Variants in COX7B2 observed in about 807,000 individuals in gnomAD.
COX7B2 encodes cytochrome c oxidase subunit 7B2, mitochondrial.
For missense variants in COX7B2, 109 were observed against 95.9 expected (o/e 1.14, Z -0.57); for synonymous variants, 37 against 32.1 (o/e 1.15, Z -0.51).
At chr4:46,832,700 TGAG>T (rs1220979625) in intron 2 of COX7B2, among the ~76,000 whole-genome samples, 2 of 152,100 alleles carry the variant, frequency 1.3e-5, no homozygotes, top group African/African-American at 2.4e-5. Flanking sequence ...CTCTTGATGA[TGAG>T]AGGATTCTTG....
At chr4:46,837,051 G>A (rs570830888) in intron 2 of COX7B2, among the ~76,000 whole-genome samples, 2 of 152,052 alleles carry the variant, frequency 1.3e-5, no homozygotes, top group Non-Finnish European at 2.9e-5. Context: ...AAATACAGCA[G>A]CATTTAATTG....
intron 1 of COX7B2, among the ~76,000 whole-genome samples, chr4:46,887,508 G>C (rs867501972): frequency 1.3e-5 from 2 of 151,908 alleles, no homozygotes; most frequent in Non-Finnish European, 2.9e-5. Flanking sequence ...TCAGGAGATC[G>C]AGACCATCCT....
In COX7B2 at chr4:46,784,582, A is replaced by G. The variant is rs13105834; in HGVS notation, c.-49-49341T>C. Among the ~76,000 whole-genome samples the G allele has an allele frequency of 1.2e-3, 186 of 152,272 alleles. 1 individual carries two copies. Among genetic ancestry groups the G allele is most frequent in the African/African-American group, 4.2e-3 (176 of 41,554 alleles). ...GGAGGTTGCAGTGAGCCAAGATAGCACCATTGCACTCTAGTCTGGGCGACA... is the reference window on the plus strand; with the variant it reads ...GGAGGTTGCAGTGAGCCAAGATAGCGCCATTGCACTCTAGTCTGGGCGACA... On this transcript the variant is annotated intron_variant, in intron 2 of 2. Transcript: ENST00000355591.
chr4:46,885,677 AACTGCGC>A (rs765978055), intron 1 of COX7B2, among the ~76,000 whole-genome samples: 7 of 152,144 alleles, frequency 4.6e-5, no homozygotes, highest in Non-Finnish European at 8.8e-5. Context: ...AAAGCATCAA[AACTGCGC>A]TTGATTATTC....
intron 2 of COX7B2, among the ~76,000 whole-genome samples, chr4:46,759,790 G>A (rs1716022607): frequency 7.4e-6 from 1 of 134,526 alleles, no homozygotes; most frequent in Admixed American, 8.1e-5. Flanking sequence ...TCTTATATAA[G>A]TTATATAAGT....
rs957410634 is a variant in COX7B2, at chr4:46,797,676, C to T, written c.-50+47284G>A. Among the ~76,000 whole-genome samples, 4 of 152,114 alleles carry T rather than the reference C, an allele frequency of 2.6e-5. 1 individual carries two copies. In the South Asian group the frequency reaches 8.3e-4, roughly 31 times the overall value. On this transcript the variant is annotated intron_variant, in intron 2 of 2. Coordinates refer to ENST00000355591, the MANE Select transcript of COX7B2 (RefSeq NM_130902.3). ...CTTGAAGGATACAGGGGCAATGATT[C>T]CCACCACATCTCCATTCAACTTGGC...
At chr4:46,834,092 G>A (rs1715348757) in intron 2 of COX7B2, among the ~76,000 whole-genome samples, 1 of 152,082 alleles carries the variant, frequency 6.6e-6, no homozygotes, top group African/African-American at 2.4e-5. Context: ...TATTTATGAA[G>A]AAACATCACA....
rs75822908 is a variant in COX7B2, at chr4:46,850,675, G to A, written c.-104-5661C>T. Among the ~76,000 whole-genome samples the A allele has an allele frequency of 5.7e-3, 868 of 152,116 alleles. 4 individuals carry two copies. Among genetic ancestry groups the A allele is most frequent in the African/African-American group, 0.02 (814 of 41,518 alleles). On this transcript the variant is annotated intron_variant, in intron 1 of 2. Transcript: ENST00000355591. ...TATAAATTACTAACACTGTAAAGAA[G>A]TAAAATTATTTACCACAGTATTATA... is the stretch of plus-strand genomic sequence containing the variant.
At chr4:46,744,437 C>T (rs981006735) in intron 2 of COX7B2, among the ~76,000 whole-genome samples, 4 of 152,084 alleles carry the variant, frequency 2.6e-5, no homozygotes, top group African/African-American at 7.2e-5. Context: ...CTGCTATAAT[C>T]GTTGTCTCAG....
intron 1 of COX7B2, among the ~76,000 whole-genome samples, chr4:46,857,584 T>G (rs780328515): frequency 6.6e-6 from 1 of 152,142 alleles, no homozygotes; most frequent in Non-Finnish European, 1.5e-5. Context: ...TCTATAGAGC[T>G]GGGAGAAAAA....
chr4:46,862,282 A>G (rs988544598), intron 1 of COX7B2, among the ~76,000 whole-genome samples: 2 of 152,258 alleles, frequency 1.3e-5, no homozygotes, highest in Non-Finnish European at 2.9e-5. Context: ...AACGAAGTTT[A>G]GCCACATGGA....
intron 2 of COX7B2, among the ~76,000 whole-genome samples, chr4:46,754,450 A>G (rs539768032): frequency 6.8e-6 from 1 of 146,614 alleles, no homozygotes; most frequent in South Asian, 2.2e-4. Flanking sequence ...ATTGTCAGCA[A>G]ACTATCGCAA....
intron 2 of COX7B2, among the ~76,000 whole-genome samples, chr4:46,748,566 T>C (rs1715162666): frequency 6.6e-6 from 1 of 152,090 alleles, no homozygotes; most frequent in African/African-American, 2.4e-5. Flanking sequence ...CTCCATGCAG[T>C]TTTCATTCCC....
chr4:46,741,928 T>C (rs1003771741), intron 2 of COX7B2, among the ~76,000 whole-genome samples: 3 of 152,074 alleles, frequency 2.0e-5, no homozygotes, highest in Non-Finnish European at 4.4e-5. Flanking sequence ...GAACATTGAG[T>C]CAGATAATCT....
intron 2 of COX7B2, among the ~76,000 whole-genome samples, chr4:46,756,559 G>A (rs550189434): frequency 2.7e-4 from 41 of 151,906 alleles, no homozygotes; most frequent in Non-Finnish European, 1.8e-4. Context: ...CCTGACAAAC[G>A]ACTAATATCT....
intron 2 of COX7B2, among the ~76,000 whole-genome samples, chr4:46,795,615 G>A (rs1560385796): frequency 1.8e-5 from 2 of 110,980 alleles, no homozygotes; most frequent in African/African-American, 4.0e-5. Flanking sequence ...TTGTAGTATA[G>A]TTTGAAGTCA....
intron 2 of COX7B2, among the ~76,000 whole-genome samples, chr4:46,763,355 T>C (rs927265073): frequency 1.3e-5 from 2 of 150,746 alleles, no homozygotes; most frequent in African/African-American, 4.9e-5. Context: ...TTTGTGTATG[T>C]GTGTTCTTTA....
intron 2 of COX7B2, among the ~76,000 whole-genome samples, chr4:46,752,861 G>A (rs528443506): frequency 8.5e-5 from 13 of 152,236 alleles, no homozygotes; most frequent in African/African-American, 2.4e-4. Context: ...GTTCATCAGC[G>A]ATATTGGTCT....
intron 2 of COX7B2, among the ~76,000 whole-genome samples, chr4:46,826,181 A>C (rs1006469543): frequency 5.3e-5 from 8 of 152,056 alleles, no homozygotes; most frequent in Non-Finnish European, 7.4e-5. Context: ...TTACAAGAGA[A>C]AAACAACCCC....
Sources: allele counts gnomAD v4.1 joint callset (sites outside exome capture counted in the v4.1 genomes callset), GRCh38; gene constraint gnomAD v4.1.1; transcripts MANE v1.5; gene names NCBI Gene and HGNC (gene_info 2026-07-23, HGNC 2026-07-21).